MSRA: variants seen among roughly 807,000 people sequenced by gnomAD.
The protein encoded by MSRA is methionine sulfoxide reductase A, also known as mitochondrial peptide methionine sulfoxide reductase.
MSRA carries 54 observed loss-of-function variants against 31.3 expected under a neutral mutation model. That is an observed-to-expected ratio of 1.73 (90% confidence interval 1.39 to 2.17). The LOEUF (loss-of-function observed/expected upper bound fraction) is 2.17, where lower values mean the gene tolerates loss of function less well. Ranked by LOEUF, MSRA falls within the 30% of genes most tolerant of loss-of-function variation. MSRA has a pLI of 0.00. For missense variants in MSRA, 507 were observed against 300.9 expected, an observed-to-expected ratio of 1.69 and a Z score of -5.07; for synonymous variants, 169 against 116.5, an observed-to-expected ratio of 1.45 and a Z score of -2.90.
chr8:10,287,143 TC>T (rs1396970168), intron 3 of MSRA, among the ~76,000 whole-genome samples: 1 of 152,124 alleles, frequency 6.6e-6, no homozygotes, highest in Non-Finnish European at 1.5e-5. Flanking sequence ...GCTAAAAGAT[TC>T]CCAATATCAA....
chr8:10,286,517 G>C (rs1483641669), intron 3 of MSRA, among the ~76,000 whole-genome samples: 1 of 152,198 alleles, frequency 6.6e-6, no homozygotes, highest in Non-Finnish European at 1.5e-5. Flanking sequence ...CTGTAAGTAG[G>C]ATAAACCTCT....
At chr8:10,422,796 C>T (rs905302430) in intron 5 of MSRA, among the ~76,000 whole-genome samples, 1 of 152,214 alleles carries the variant, frequency 6.6e-6, no homozygotes, top group Non-Finnish European at 1.5e-5. Context: ...TATGCAGAGG[C>T]AGGCCCTGGG....
intron 3 of MSRA, among the ~76,000 whole-genome samples, chr8:10,256,725 C>A (rs1163955687): frequency 6.6e-6 from 1 of 152,192 alleles, no homozygotes; most frequent in African/African-American, 2.4e-5. Flanking sequence ...TTGCATGTGT[C>A]CATTCTTCCC....
intron 1 of MSRA, among the ~76,000 whole-genome samples, chr8:10,100,145 C>A (rs150249490): frequency 6.6e-6 from 1 of 152,064 alleles, no homozygotes; most frequent in African/African-American, 2.4e-5. Context: ...TATCAGCAAC[C>A]GCAGGCGTTG....
At chr8:10,087,087 C>T (rs888006943) in intron 1 of MSRA, among the ~76,000 whole-genome samples, 1 of 152,110 alleles carries the variant, frequency 6.6e-6, no homozygotes, top group East Asian at 1.9e-4. Flanking sequence ...AGAATTGTCA[C>T]GTGTAAAGCA....
At chr8:10,409,190 G>A (rs919175256) in intron 5 of MSRA, among the ~76,000 whole-genome samples, 6 of 152,212 alleles carry the variant, frequency 3.9e-5, no homozygotes. Context: ...CACCAACAGT[G>A]TGTAAGCATT....
chr8:10,352,365 A>T (rs918576057), intron 5 of MSRA, among the ~76,000 whole-genome samples: 1 of 152,190 alleles, frequency 6.6e-6, no homozygotes, highest in Non-Finnish European at 1.5e-5. Flanking sequence ...CGAAGGGGAA[A>T]ATCTAGTGTT....
chr8:10,170,908 A>G (rs972534525), intron 1 of MSRA, among the ~76,000 whole-genome samples: 1 of 152,202 alleles, frequency 6.6e-6, no homozygotes, highest in Non-Finnish European at 1.5e-5. Flanking sequence ...TGCTATCTCA[A>G]TGAATTTTAC....
At chr8:10,270,309 A>G (rs1358959609) in intron 3 of MSRA, among the ~76,000 whole-genome samples, 2 of 152,194 alleles carry the variant, frequency 1.3e-5, no homozygotes, top group South Asian at 2.1e-4. Context: ...ACAAAATGCC[A>G]TACAAAAGAA....
chr8:10,118,191 A>G (rs1008380103), intron 1 of MSRA, among the ~76,000 whole-genome samples: 1 of 152,128 alleles, frequency 6.6e-6, no homozygotes, highest in African/African-American at 2.4e-5. Context: ...TTTTTAGTTC[A>G]TTGCCCATAT....
At chr8:10,087,257 C>T (rs1798608984) in intron 1 of MSRA, among the ~76,000 whole-genome samples, 1 of 152,146 alleles carries the variant, frequency 6.6e-6, no homozygotes, top group South Asian at 2.1e-4. Flanking sequence ...GTGGATGACT[C>T]ATGAACAGGT....
chr8:10,254,147 C>T (rs760025221), intron 3 of MSRA, among the ~76,000 whole-genome samples: 3 of 152,094 alleles, frequency 2.0e-5, no homozygotes, highest in Non-Finnish European at 4.4e-5. Context: ...TGTGAAGTCT[C>T]TCAGGGAATG....
chr8:10,165,737 G>T (rs1321868560), intron 1 of MSRA, among the ~76,000 whole-genome samples: 1 of 152,230 alleles, frequency 6.6e-6, no homozygotes, highest in Non-Finnish European at 1.5e-5. Context: ...CTGAGCCTCA[G>T]TTTCCCCATC....
intron 1 of MSRA, among the ~76,000 whole-genome samples, chr8:10,057,357 A>G (rs555670020): frequency 6.6e-6 from 1 of 152,298 alleles, no homozygotes; most frequent in African/African-American, 2.4e-5. Context: ...GGAATGAGGG[A>G]CAAGGGGAAT....
intron 5 of MSRA, among the ~76,000 whole-genome samples, chr8:10,427,356 C>T (rs951894921): frequency 3.3e-5 from 5 of 152,202 alleles, no homozygotes; most frequent in African/African-American, 9.6e-5. Context: ...CTGTCTCCTG[C>T]CCCAAATAGC....
intron 5 of MSRA, among the ~76,000 whole-genome samples, chr8:10,382,712 C>T (rs1439120617): frequency 3.9e-5 from 6 of 152,158 alleles, no homozygotes; most frequent in African/African-American, 1.4e-4. Flanking sequence ...CTCGAATGGG[C>T]TAAAGGTCAT....
Position 10,180,861 on chromosome 8 carries a change from C to T in MSRA, c.143-26972C>T, listed in dbSNP as rs539839324. Among the ~76,000 whole-genome samples the T allele has an allele frequency of 5.3e-4, 81 of 152,308 alleles. 1 individual carries two copies. The South Asian group carries it at 0.017, about 32-fold the overall frequency. On this transcript the variant is annotated intron_variant, in intron 1 of 5. Coordinates refer to ENST00000317173, the MANE Select transcript of MSRA (RefSeq NM_012331.5). ...CTGGATTAAGAGCTGTACTAAAATGCTCCATCTATTTCTTCACTACTTCCA... is the reference window on the plus strand; with the variant it reads ...CTGGATTAAGAGCTGTACTAAAATGTTCCATCTATTTCTTCACTACTTCCA...
At chr8:10,422,309 C>T (rs867789672) in intron 5 of MSRA, among the ~76,000 whole-genome samples, 1 of 152,166 alleles carries the variant, frequency 6.6e-6, no homozygotes, top group Non-Finnish European at 1.5e-5. Flanking sequence ...CCAGGCAGGG[C>T]ATGGTGCACT....
chr8:10,236,205 A>G (rs1811922241), intron 2 of MSRA, among the ~76,000 whole-genome samples: 2 of 152,208 alleles, frequency 1.3e-5, no homozygotes, highest in Non-Finnish European at 2.9e-5. Context: ...TTAAGATGAG[A>G]CAAGGATTCC....
Sources: allele counts gnomAD v4.1 joint callset (sites outside exome capture counted in the v4.1 genomes callset), GRCh38; gene constraint gnomAD v4.1.1; transcripts MANE v1.5; gene names NCBI Gene and HGNC (gene_info 2026-07-23, HGNC 2026-07-21).